Variants in FAM227A observed in about 807,000 individuals in gnomAD.
FAM227A encodes the protein protein FAM227A.
FAM227A carries 80 observed loss-of-function variants against 74.7 expected under a neutral mutation model. The observed-to-expected ratio is 1.07, with a 90% CI of 0.89 to 1.29. The LOEUF is 1.29. Ranked by LOEUF, FAM227A falls within the 50% of genes most tolerant of loss-of-function variation. The pLI is 0.00. For synonymous variants in FAM227A, 237 were observed against 241.8 expected, an observed-to-expected ratio of 0.98 and a Z score of 0.19; for missense variants, 654 against 683.4, an observed-to-expected ratio of 0.96 and a Z score of 0.48.
At chr22:38,640,263 G>A (rs535864295) in intron 3 of FAM227A, among the ~76,000 whole-genome samples, 5 of 152,232 alleles carry the variant, frequency 3.3e-5, no homozygotes, top group African/African-American at 1.2e-4. Flanking sequence ...TTGATCTCCT[G>A]ACCTCCTCAT....
chr22:38,627,526 C>T (rs929378714), intron 8 of FAM227A, among the ~76,000 whole-genome samples: 2 of 151,688 alleles, frequency 1.3e-5, no homozygotes, highest in Non-Finnish European at 2.9e-5. Context: ...CGAGATCATA[C>T]TACTGCACTC....
At chr22:38,603,709 G>A (rs2091224653) in intron 13 of FAM227A, among the ~76,000 whole-genome samples, 1 of 152,086 alleles carries the variant, frequency 6.6e-6, no homozygotes, top group African/African-American at 2.4e-5. Context: ...CTTAGTGCCA[G>A]GAAAACATCA....
chr22:38,620,163 G>A, intron 11 of FAM227A, 49 bp downstream of exon 11: 1 of 1,350,936 alleles, frequency 7.4e-7, no homozygotes, highest in Non-Finnish European at 1.0e-6. Flanking sequence ...GAGGGTTCCT[G>A]AAGCTTATGG....
intron 11 of FAM227A, among the ~76,000 whole-genome samples, chr22:38,610,107 C>T (rs1052657159): frequency 1.3e-5 from 2 of 151,132 alleles, no homozygotes; most frequent in Admixed American, 6.6e-5. Flanking sequence ...AGTGTCTTTA[C>T]TCTGTCACCC....
At chr22:38,616,618 A>T (rs1181404142) in intron 11 of FAM227A, among the ~76,000 whole-genome samples, 1 of 151,772 alleles carries the variant, frequency 6.6e-6, no homozygotes, top group Non-Finnish European at 1.5e-5. Flanking sequence ...GTGAGCCAAG[A>T]TCATGCCATT....
At chr22:38,649,892 A>C in intron 2 of FAM227A, 135 bp downstream of exon 2, 1 of 823,738 alleles carries the variant, frequency 1.2e-6, no homozygotes, top group African/African-American at 1.8e-5. Context: ...AAGAAAAGAA[A>C]AGAAAAAATG....
chr22:38,632,424 T>C (rs1410575219), intron 6 of FAM227A, among the ~76,000 whole-genome samples: 1 of 152,094 alleles, frequency 6.6e-6, no homozygotes, highest in East Asian at 1.9e-4. Context: ...TTCAGTCCTT[T>C]CGCCCCCTCT....
In FAM227A at chr22:38,597,191, G is replaced by T. The variant is rs757811368; in HGVS notation, c.1532+13C>A. On this transcript the variant is annotated intron_variant, in intron 15 of 16. Transcript: ENST00000535113. ...GTGCGGAACAACGGCATTCCCCAAA[G>T]CCCCTTCCATACCTGGAGAAGTTGT... 1 of 1,551,726 alleles carries T rather than the reference G, an allele frequency of 6.4e-7. No homozygotes were observed. The highest frequency in any genetic ancestry group is 2.0e-5 in the Admixed American group (1 of 50,976).
intron 14 of FAM227A, among the ~76,000 whole-genome samples, chr22:38,599,082 A>G (rs952330112): frequency 6.6e-6 from 1 of 150,546 alleles, no homozygotes. Context: ...TCAGCCTCCC[A>G]AGTAGCTGCG....
intron 11 of FAM227A, among the ~76,000 whole-genome samples, chr22:38,614,258 TCTCC>T (rs2091529587): frequency 6.6e-6 from 1 of 152,162 alleles, no homozygotes; most frequent in Non-Finnish European, 1.5e-5. Context: ...TGGTTTTCTC[TCTCC>T]CTATCATTTT....
At chr22:38,649,867 CAA>C (rs371522780) in intron 2 of FAM227A, 158 bp downstream of exon 2, 602 of 531,598 alleles carry the variant, frequency 1.1e-3, no homozygotes, top group South Asian at 1.7e-3. Flanking sequence ...AACTCCATCT[CAA>C]AAAAAAAAAA....
At position 38,605,358 on chromosome 22, in the gene FAM227A, T is replaced by C; in HGVS notation, c.1127-10A>G. ...GTCTGACAATGATGCTCTGTCAATG[T>C]GACATTAGCAAGAAAATGACCATTA... On this transcript the variant is annotated splice_polypyrimidine_tract_variant and intron_variant, in intron 12 of 16. Coordinates refer to ENST00000535113, the MANE Select transcript of FAM227A (RefSeq NM_001013647.2). The C allele has an allele frequency of 6.7e-7, 1 of 1,502,332 alleles. No individual in the cohort carries two copies. The highest frequency in any genetic ancestry group is 1.2e-5 in the South Asian group (1 of 82,912). The allele number at this position is 1,502,332 out of a possible 1,614,324, so 93.1% of individuals were successfully genotyped here. A position where few individuals can be genotyped will look rare whatever the true frequency, so the allele number is the denominator to read the frequency against.
At chr22:38,640,119 C>T (rs1055132887) in intron 3 of FAM227A, among the ~76,000 whole-genome samples, 10 of 152,024 alleles carry the variant, frequency 6.6e-5, no homozygotes, top group East Asian at 1.9e-4. Context: ...CTGCAAGCTC[C>T]GCCTCCTGGG....
rs537030883 is a variant in FAM227A at position 38,610,752 on chromosome 22, C to T, written c.1039-3276G>A. Among the ~76,000 whole-genome samples the T allele has an allele frequency of 5.3e-5, 8 of 152,254 alleles. No homozygotes were observed. In the South Asian group the frequency reaches 6.2e-4, roughly 12 times the overall value. Reference sequence around the variant, plus strand: ...CATGGTAGACTCCCCATAGAGACCACGTCCTTCCACTTAGAAAGTACTTTC... The same window carrying T: ...CATGGTAGACTCCCCATAGAGACCATGTCCTTCCACTTAGAAAGTACTTTC... On this transcript the variant is annotated intron_variant, in intron 11 of 16. Transcript: ENST00000535113.
chr22:38,626,060 G>T (rs151199005), intron 9 of FAM227A, 120 bp downstream of exon 9: 3 of 1,015,952 alleles, frequency 3.0e-6, no homozygotes, highest in Non-Finnish European at 4.3e-6. Context: ...TAATGTTAAG[G>T]AGAGAAAAGA....
chr22:38,628,897 A>G lies in FAM227A; in HGVS notation c.558T>C (p.Ser186=), dbSNP rs769190261. ...CSGRELEKFL[S]SSSPRAIWLD... The stretch of plus-strand genomic sequence containing the variant: ...GCCAGATGGCTCTTGGAGAAGAAGA[A>G]GAGAGAAACTTCTCTAATTCTCTAC... The change falls in exon 7 of 17, where the codon TCT becomes TCC. Residue 186 remains serine (S), a synonymous_variant. Coordinates refer to ENST00000535113, the MANE Select transcript of FAM227A (RefSeq NM_001013647.2). 32 of 1,545,204 alleles carry G rather than the reference A, an allele frequency of 2.1e-5. No homozygotes were observed. The East Asian group carries it at 5.6e-4, about 27-fold the overall frequency.
chr22:38,648,018 C>T (rs1043905087), intron 2 of FAM227A, among the ~76,000 whole-genome samples: 13 of 152,102 alleles, frequency 8.5e-5, no homozygotes, highest in African/African-American at 3.1e-4. Context: ...GTGGTACATG[C>T]AGCTGAGCTG....
chr22:38,625,362 C>G (rs1252174899), intron 9 of FAM227A, among the ~76,000 whole-genome samples: 3 of 148,720 alleles, frequency 2.0e-5, no homozygotes, highest in Admixed American at 6.8e-5. Flanking sequence ...GCACTCCAGC[C>G]TGGACGACAG....
intron 2 of FAM227A, 127 bp downstream of exon 2, chr22:38,649,900 A>G: frequency 1.2e-6 from 1 of 832,350 alleles, no homozygotes; most frequent in African/African-American, 1.8e-5. Context: ...AAAAGAAAAA[A>G]TGAATGTATA....
Sources: gnomAD v4.1 joint callset for allele counts (sites outside exome capture counted in the v4.1 genomes callset) on GRCh38, gnomAD v4.1.1 for gene constraint, MANE v1.5 for transcripts, NCBI Gene and HGNC (gene_info 2026-07-23, HGNC 2026-07-21) for gene names.